The following PDXDC1 variants were observed in gnomAD, a reference collection of about 807,000 sequenced individuals.
The protein encoded by PDXDC1 is pyridoxal-dependent decarboxylase domain-containing protein 1.
PDXDC1 carries 42 observed loss-of-function variants against 100.1 expected under a neutral mutation model. The ratio of observed to expected loss-of-function variants is 0.42; its 90% CI spans 0.33 to 0.54. The LOEUF (loss-of-function observed/expected upper bound fraction) is 0.54. Ranked by LOEUF, PDXDC1 falls within the 20% of genes least tolerant of loss-of-function variation. The pLI, the probability that PDXDC1 is intolerant of heterozygous loss-of-function variation, is 0.10. For missense variants in PDXDC1, 636 were observed against 979.2 expected, an observed-to-expected ratio of 0.65 and a Z score of 4.68; for synonymous variants, 260 against 371.7, an observed-to-expected ratio of 0.70 and a Z score of 3.46.
At chr16:15,086,011 C>T (rs2045903864) in intron 16 of PDXDC1, 1 of 697,180 alleles carries the variant, frequency 1.4e-6, no homozygotes, top group East Asian at 2.7e-5. Flanking sequence ...GTCTACCAGA[C>T]CTGGTGCCAA....
At chr16:15,043,429 C>G (rs940992616) in intron 16 of PDXDC1, among the ~76,000 whole-genome samples, 2 of 152,198 alleles carry the variant, frequency 1.3e-5, no homozygotes, top group African/African-American at 4.8e-5. Flanking sequence ...CTAGTCACAG[C>G]TACTTGGGAG....
chr16:15,050,216 A>T (rs2044242606), intron 16 of PDXDC1, among the ~76,000 whole-genome samples: 1 of 152,264 alleles, frequency 6.6e-6, no homozygotes, highest in Non-Finnish European at 1.5e-5. Context: ...TGGTTATTTA[A>T]CAAAAACTTT....
chr16:15,046,864 G>C (rs2044091066), intron 16 of PDXDC1, among the ~76,000 whole-genome samples: 1 of 151,988 alleles, frequency 6.6e-6, no homozygotes, highest in Non-Finnish European at 1.5e-5. Flanking sequence ...GACACAGCAA[G>C]ACCCTATCTC....
intron 16 of PDXDC1, chr16:15,131,785 G>A: frequency 1.8e-6 from 1 of 543,816 alleles, no homozygotes; most frequent in Non-Finnish European, 3.2e-6. Context: ...GGGAGCCGGA[G>A]GGTGGGGGCT....
chr16:15,018,852 G>T lies in PDXDC1; in HGVS notation c.976G>T (p.Gly326Cys), dbSNP rs1318573596. The T allele has an allele frequency of 6.2e-7, 1 of 1,613,948 alleles. No individual in the cohort carries two copies. Among genetic ancestry groups the T allele is most frequent in the Admixed American group, 1.7e-5 (1 of 60,008 alleles). The change falls in exon 12 of 23, where the codon GGT becomes TGT. Residue 326 changes from glycine (G) to cysteine (C), a missense_variant. This residue lies in a region of PDXDC1 where 125 missense variants were observed against 479.9 expected (regional missense o/e 0.26). Coordinates refer to ENST00000396410, the MANE Select transcript of PDXDC1 (RefSeq NM_015027.4). Reference sequence around the variant, plus strand: ...TTGGCTTTTTTAGACTTTAGTTGCTGGTCTTACATCAAATAAGCCCACAGA... The same window carrying T: ...TTGGCTTTTTTAGACTTTAGTTGCTTGTCTTACATCAAATAAGCCCACAGA... Reference protein sequence around the residue: ...HDDPALTLVAGLTSNKPTDKL... With the variant: ...HDDPALTLVACLTSNKPTDKL...
chr16:15,040,087 ACT>A (rs369375951), downstream of PDXDC1: 13,981 of 1,386,662 alleles, frequency 0.01, 100 homozygotes, highest in Middle Eastern at 0.012. Flanking sequence ...CAACAGGATG[ACT>A]CTGAATTGAC....
chr16:15,005,304 C>CAAAA (rs74858191), intron 5 of PDXDC1, among the ~76,000 whole-genome samples: 2 of 54,682 alleles, frequency 3.7e-5, no homozygotes, highest in Non-Finnish European at 8.0e-5. Flanking sequence ...GACTCTGTCT[C>CAAAA]AAAAAAAAAA....
chr16:15,073,635 C>CT (rs2045333453), intron 16 of PDXDC1, among the ~76,000 whole-genome samples: 1 of 152,200 alleles, frequency 6.6e-6, no homozygotes, highest in African/African-American at 2.4e-5. Flanking sequence ...GCAATTCTAT[C>CT]ATTCGTGTAG....
intron 16 of PDXDC1, chr16:15,135,740 A>G: frequency 1.3e-6 from 2 of 1,597,080 alleles, no homozygotes; most frequent in Non-Finnish European, 1.7e-6. Context: ...CCCATCCAGC[A>G]CCAGGTCCTG....
chr16:15,141,056 A>G (rs1190166130), downstream of PDXDC1, among the ~76,000 whole-genome samples: 1 of 147,176 alleles, frequency 6.8e-6, no homozygotes, highest in Non-Finnish European at 1.5e-5. Context: ...ACCGGCCTCC[A>G]TCCCTGAGCA....
At chr16:15,014,062 C>T (rs1405357007) in intron 8 of PDXDC1, among the ~76,000 whole-genome samples, 1 of 152,226 alleles carries the variant, frequency 6.6e-6, no homozygotes, top group African/African-American at 2.4e-5. Flanking sequence ...TAAAAATTAG[C>T]TGGTTGTGGT....
rs1409853617 is a variant in PDXDC1 at position 15,038,211 on chromosome 16, C to G, written c.*1936C>G. 1 of 1,611,246 alleles carries G rather than the reference C, an allele frequency of 6.2e-7. No individual in the cohort carries two copies. Among genetic ancestry groups the G allele is most frequent in the Non-Finnish European group, 8.5e-7 (1 of 1,178,534 alleles). ...CAGCCAGAGGCGAAGTGGAAAGATT[C>G]TGAAAACACAAGATGGTGGGCATTA... On this transcript the variant is annotated 3_prime_UTR_variant, in exon 23 of 23. Coordinates refer to ENST00000396410, the MANE Select transcript of PDXDC1 (RefSeq NM_015027.4).
chr16:14,998,323 T>G lies in PDXDC1; in HGVS notation c.96-17T>G. The G allele has an allele frequency of 1.2e-6, 2 of 1,607,846 alleles. No homozygotes were observed. The highest frequency in any genetic ancestry group is 2.2e-5 in the South Asian group (2 of 89,860). On this transcript the variant is annotated splice_polypyrimidine_tract_variant and intron_variant, in intron 2 of 22. Coordinates refer to ENST00000396410, the MANE Select transcript of PDXDC1 (RefSeq NM_015027.4). ...ATGATGAAACAAATGAACAGCTTTTTCTTTTCTTTAAATTAGAAGAACAGA... is the reference window on the plus strand; with the variant it reads ...ATGATGAAACAAATGAACAGCTTTTGCTTTTCTTTAAATTAGAAGAACAGA...
intron 3 of PDXDC1, among the ~76,000 whole-genome samples, chr16:15,000,404 C>T (rs1426729572): frequency 6.6e-6 from 1 of 152,290 alleles, no homozygotes; most frequent in Non-Finnish European, 1.5e-5. Flanking sequence ...AGCCAGTGTG[C>T]CTCAAGGGCC....
chr16:15,036,115 C>T lies in PDXDC1; in HGVS notation c.2207C>T (p.Ser736Phe), dbSNP rs780880542. Residue 736 changes from serine to phenylalanine, a missense_variant, in exon 23 of 23, where the codon TCC becomes TTC. Ser to Phe is a radical substitution (Grantham distance 155, BLOSUM62 -2). Coordinates refer to ENST00000396410, the MANE Select transcript of PDXDC1 (RefSeq NM_015027.4). ...IEDLEKVERL[S>F]SGPEQITLEA... ...GACTTAGAAAAGGTGGAGCGCCTAT[C>T]CAGTGGGCCGGAGCAGATCACCCTC... 23 of 1,614,050 alleles carry T rather than the reference C, an allele frequency of 1.4e-5. No homozygotes were observed. The East Asian group carries it at 4.5e-4, about 31-fold the overall frequency.
At chr16:15,063,310 T>C in intron 16 of PDXDC1, 1 of 1,526,060 alleles carries the variant, frequency 6.6e-7, no homozygotes, top group Non-Finnish European at 9.1e-7. Context: ...CATTTCAAAG[T>C]CAAGTTAAAT....
intron 8 of PDXDC1, chr16:15,010,521 A>T (rs1435534879): frequency 6.5e-6 from 1 of 154,250 alleles, no homozygotes; most frequent in Non-Finnish European, 1.5e-5. Flanking sequence ...ACGTTGTAAG[A>T]TTGTTGTAAA....
At chr16:15,095,493 C>G (rs1024799035) in intron 16 of PDXDC1, among the ~76,000 whole-genome samples, 2 of 152,184 alleles carry the variant, frequency 1.3e-5, no homozygotes, top group Non-Finnish European at 2.9e-5. Context: ...GATAGCACCA[C>G]TGCACTCCTG....
chr16:15,082,756 C>G (rs2045759076), intron 16 of PDXDC1, among the ~76,000 whole-genome samples: 1 of 151,902 alleles, frequency 6.6e-6, no homozygotes, highest in Non-Finnish European at 1.5e-5. Flanking sequence ...TTGTATGCTA[C>G]TAGATTCGGT....
Sources: allele counts gnomAD v4.1 joint callset (sites outside exome capture counted in the v4.1 genomes callset), GRCh38; gene constraint gnomAD v4.1.1; regional missense constraint gnomAD v4.1.1; transcripts MANE v1.5; gene names NCBI Gene and HGNC (gene_info 2026-07-23, HGNC 2026-07-21).